Variants in SOX6 observed in about 807,000 individuals in gnomAD.
SOX6 encodes SRY-box transcription factor 6, also known as transcription factor SOX-6.
SOX6 carries 11 observed loss-of-function variants against 97.8 expected under a neutral mutation model. The observed-to-expected ratio is 0.11, with a 90% CI of 0.07 to 0.19. The LOEUF (loss-of-function observed/expected upper bound fraction) is 0.19. SOX6 is among the 10% of genes least tolerant of loss of function. The pLI is 1.00. For synonymous variants in SOX6, 360 were observed against 371.4 expected, an observed-to-expected ratio of 0.97 and a Z score of 0.35; for missense variants, 810 against 1,039.5, an observed-to-expected ratio of 0.78 and a Z score of 3.04.
In SOX6 at chr11:16,071,910, TA is replaced by T. The variant is rs71313436; in HGVS notation, c.1102-16010del. ...AACCCCCAAGGGCATCTAAGAAGAT[TA>T]AAAAAAAAAAAAAGAAAAACATTCA... On this transcript the variant is annotated intron_variant, in intron 9 of 15. Coordinates refer to ENST00000683767, the MANE Select transcript of SOX6 (RefSeq NM_001367873.1). Among the ~76,000 whole-genome samples the T allele has an allele frequency of 8.0e-3, 1,094 of 136,654 alleles. 4 individuals are homozygous for T. Among genetic ancestry groups the T allele is most frequent in the African/African-American group, 0.014 (515 of 36,916 alleles). 89.7% of individuals were successfully genotyped at this position (136,654 alleles called of 152,430 possible). A position where few individuals can be genotyped will look rare whatever the true frequency, so the allele number is the denominator to read the frequency against.
chr11:16,049,977 A>G (rs1387246963), intron 10 of SOX6, 39 bp from the exon 11 acceptor site: 1 of 1,607,004 alleles, frequency 6.2e-7, no homozygotes, highest in South Asian at 1.1e-5. Context: ...TTTACAAAAG[A>G]CAAATGAAGC....
At chr11:16,449,939 C>T (rs1280635387) in intron 1 of SOX6, among the ~76,000 whole-genome samples, 1 of 152,122 alleles carries the variant, frequency 6.6e-6, no homozygotes, top group Non-Finnish European at 1.5e-5. Flanking sequence ...TTGCTAAATA[C>T]TATAGCACTA....
chr11:16,282,715 A>T (rs10832587), intron 3 of SOX6, among the ~76,000 whole-genome samples: 79,311 of 150,948 alleles, frequency 0.53, 21,767 homozygotes, highest in Non-Finnish European at 0.59. Flanking sequence ...AAAAATAGGT[A>T]TGAATTTGGA....
chr11:16,111,690 A>G, intron 7 of SOX6, 113 bp downstream of exon 7: 1 of 1,374,106 alleles, frequency 7.3e-7, no homozygotes, highest in Non-Finnish European at 1.0e-6. Context: ...ATAAGCTTTT[A>G]TGATATTTTT....
chr11:16,401,115 T>A (rs1429564440), intron 1 of SOX6, among the ~76,000 whole-genome samples: 1 of 151,572 alleles, frequency 6.6e-6, no homozygotes, highest in East Asian at 1.9e-4. Flanking sequence ...TAACATTGGA[T>A]CCCTTTCTAC....
intron 4 of SOX6, among the ~76,000 whole-genome samples, chr11:16,509,473 A>T (rs1293803818): frequency 6.6e-6 from 1 of 152,010 alleles, no homozygotes; most frequent in East Asian, 1.9e-4. Context: ...TATTTCTGGG[A>T]TGGTGGTCTA....
chr11:16,726,729 G>A (rs979480411), intron 2 of SOX6, among the ~76,000 whole-genome samples: 4 of 152,122 alleles, frequency 2.6e-5, no homozygotes, highest in African/African-American at 9.7e-5. Flanking sequence ...GGACTGATGA[G>A]ACACTCAGAT....
intron 4 of SOX6, among the ~76,000 whole-genome samples, chr11:16,496,376 C>T (rs1860596208): frequency 6.6e-6 from 1 of 150,982 alleles, no homozygotes; most frequent in Admixed American, 6.6e-5. Context: ...CTCCAGTCTA[C>T]AGCTCCCAGC....
intron 9 of SOX6, among the ~76,000 whole-genome samples, chr11:16,061,531 T>A (rs543969109): frequency 2.6e-5 from 4 of 151,660 alleles, no homozygotes; most frequent in African/African-American, 9.7e-5. Flanking sequence ...TTAATCAAAT[T>A]AGAAAAAACA....
chr11:16,464,988 A>G (rs2133109862), intron 1 of SOX6, among the ~76,000 whole-genome samples: 1 of 152,328 alleles, frequency 6.6e-6, no homozygotes, highest in East Asian at 1.9e-4. Flanking sequence ...GATTCTACAA[A>G]AATCTCTTAT....
chr11:15,979,556 T>C (rs139932247), intron 15 of SOX6, among the ~76,000 whole-genome samples: 83 of 152,288 alleles, frequency 5.5e-4, no homozygotes, highest in African/African-American at 1.9e-3. Flanking sequence ...ACAAGTCTTT[T>C]CATAACTTGG....
intron 4 of SOX6, among the ~76,000 whole-genome samples, chr11:16,494,294 T>G (rs1477329986): frequency 6.6e-6 from 1 of 152,098 alleles, no homozygotes; most frequent in African/African-American, 2.4e-5. Flanking sequence ...CAGAATCCCT[T>G]GAATCCAGAA....
chr11:16,136,498 T>G (rs1409482611), intron 6 of SOX6, among the ~76,000 whole-genome samples: 1 of 152,058 alleles, frequency 6.6e-6, no homozygotes, highest in Non-Finnish European at 1.5e-5. Flanking sequence ...ACTCCTAGGC[T>G]CAAGGTATCT....
chr11:16,065,864 T>C (rs1452251726), intron 9 of SOX6, among the ~76,000 whole-genome samples: 1 of 152,134 alleles, frequency 6.6e-6, no homozygotes, highest in East Asian at 1.9e-4. Flanking sequence ...CAAAGATTTC[T>C]TGAGTAATAT....
chr11:16,561,155 T>C (rs1847810786), intron 4 of SOX6, among the ~76,000 whole-genome samples: 1 of 151,480 alleles, frequency 6.6e-6, no homozygotes, highest in Non-Finnish European at 1.5e-5. Context: ...ACGGCAGAAA[T>C]AAAGGGGAGG....
intron 3 of SOX6, among the ~76,000 whole-genome samples, chr11:16,622,047 T>C (rs1848551563): frequency 1.3e-5 from 2 of 152,198 alleles, no homozygotes; most frequent in Admixed American, 6.5e-5. Flanking sequence ...TTATTTTTAA[T>C]TGATTTTACT....
chr11:16,624,196 A>ATTTATTTATTTG (rs142945685), intron 3 of SOX6, among the ~76,000 whole-genome samples: 13 of 150,942 alleles, frequency 8.6e-5, no homozygotes, highest in Non-Finnish European at 1.5e-4. Flanking sequence ...TTATTTATTT[A>ATTTATTTATTTG]TTTATTTATT....
intron 3 of SOX6, among the ~76,000 whole-genome samples, chr11:16,712,101 AC>A: frequency 6.6e-6 from 1 of 151,780 alleles, no homozygotes; most frequent in African/African-American, 2.4e-5. Context: ...ACACACACAC[AC>A]ACACACACAC....
At chr11:16,065,018 GCAAT>G (rs888462478) in intron 9 of SOX6, among the ~76,000 whole-genome samples, 33 of 151,916 alleles carry the variant, frequency 2.2e-4, no homozygotes, top group Non-Finnish European at 4.0e-4. Flanking sequence ...CCTAGCTAGA[GCAAT>G]CAGACAAGAG....
Sources: gnomAD v4.1 joint callset for allele counts (sites outside exome capture counted in the v4.1 genomes callset) on GRCh38, gnomAD v4.1.1 for gene constraint, MANE v1.5 for transcripts, NCBI Gene and HGNC (gene_info 2026-07-23, HGNC 2026-07-21) for gene names.